Variants in NECTIN2 observed in about 807,000 individuals in gnomAD.
NECTIN2 encodes nectin cell adhesion molecule 2.
NECTIN2 carries 23 observed loss-of-function variants against 56.9 expected under a neutral mutation model. The observed-to-expected ratio is 0.40, with a 90% CI of 0.29 to 0.57. NECTIN2 has a LOEUF of 0.57. Ranked by LOEUF, NECTIN2 falls within the 20% of genes least tolerant of loss-of-function variation. NECTIN2 has a pLI of 0.38. For missense variants in NECTIN2, 587 were observed against 718.3 expected (o/e 0.82, Z 2.09); for synonymous variants, 302 against 313.8 (o/e 0.96, Z 0.40).
chr19:44,858,446 C>T (rs1968993433), intron 1 of NECTIN2, among the ~76,000 whole-genome samples: 1 of 151,954 alleles, frequency 6.6e-6, no homozygotes, highest in South Asian at 2.1e-4. Flanking sequence ...CCTCAGCCTC[C>T]CAAGTAGCTG....
At chr19:44,864,210 G>C (rs2122661216) in intron 1 of NECTIN2, among the ~76,000 whole-genome samples, 1 of 152,162 alleles carries the variant, frequency 6.6e-6, no homozygotes, top group South Asian at 2.1e-4. Flanking sequence ...AGCCAGGTGT[G>C]GTGGTACATG....
At chr19:44,852,837 G>A (rs1968916996) in intron 1 of NECTIN2, among the ~76,000 whole-genome samples, 1 of 152,190 alleles carries the variant, frequency 6.6e-6, no homozygotes, top group Non-Finnish European at 1.5e-5. Flanking sequence ...GGACGCGGTG[G>A]CTCACGCCTG....
rs765415555 is a variant in NECTIN2, at chr19:44,888,274, G to A, written c.1512G>A (p.Glu504=). 6.2e-7 allele frequency: 1 copy of A among 1,614,100 alleles called. No individual in the cohort carries two copies. The highest frequency in any genetic ancestry group is 1.1e-5 in the South Asian group (1 of 91,086). Residue 504 remains glutamate, a synonymous_variant, in exon 9 of 9, where the codon GAG becomes GAA. Coordinates refer to ENST00000252483, the MANE Select transcript of NECTIN2 (RefSeq NM_001042724.2). ...LEDEEGEEEE[E]YLDKINPIYD... Reference sequence around the variant, plus strand: ...ATGAGGAGGGGGAGGAGGAGGAAGAGTATCTGGACAAGATCAACCCCATCT... The same window carrying A: ...ATGAGGAGGGGGAGGAGGAGGAAGAATATCTGGACAAGATCAACCCCATCT...
At position 44,851,079 on chromosome 19, in the gene NECTIN2, C is replaced by T. The variant is rs558340580; in HGVS notation, c.88+4466C>T. 1.7e-4 allele frequency among the ~76,000 whole-genome samples: 26 copies of T among 151,982 alleles called. No individual in the cohort carries two copies. The South Asian group carries it at 1.9e-3, about 11-fold the overall frequency. ...GGCCCCAGCCTCTCCTCCCTCAGAC[C>T]CAGGAGTCCAGGCCCCAGCCCTCTT... On this transcript the variant is annotated intron_variant, in intron 1 of 8. Coordinates refer to ENST00000252483, the MANE Select transcript of NECTIN2 (RefSeq NM_001042724.2).
chr19:44,888,427 T>C lies in NECTIN2; in HGVS notation c.*48T>C, dbSNP rs745531503. The C allele has an allele frequency of 5.7e-6, 9 of 1,573,546 alleles. No homozygotes were observed. In the South Asian group the frequency reaches 1.0e-4, roughly 18 times the overall value. The stretch of plus-strand genomic sequence containing the variant: ...ACATCTCACCTGTTGATCCCTTAGC[T>C]TTCTTGCCAAGGATCTAGTGCCCCC... On this transcript the variant is annotated 3_prime_UTR_variant, in exon 9 of 9. Transcript: ENST00000252483.
chr19:44,884,625 A>G (rs946101090), intron 6 of NECTIN2, among the ~76,000 whole-genome samples: 9 of 152,218 alleles, frequency 5.9e-5, no homozygotes, highest in African/African-American at 2.2e-4. Context: ...GGAGCTCACA[A>G]TATGGAGGAG....
At chr19:44,863,860 T>C (rs1410175834) in intron 1 of NECTIN2, among the ~76,000 whole-genome samples, 1 of 143,246 alleles carries the variant, frequency 7.0e-6, no homozygotes, top group Non-Finnish European at 1.5e-5. Context: ...AAAAGAAACT[T>C]GAGAAAAAAT....
intron 3 of NECTIN2, 87 bp downstream of exon 3, chr19:44,872,236 G>A: frequency 2.0e-6 from 3 of 1,464,996 alleles, no homozygotes; most frequent in Non-Finnish European, 2.8e-6. Flanking sequence ...TCTGAATGTT[G>A]TCTACGTGGG....
chr19:44,867,020 A>T lies in NECTIN2; in HGVS notation c.478+1360A>T, dbSNP rs542013346. On this transcript the variant is annotated intron_variant, in intron 2 of 8. Coordinates refer to ENST00000252483, the MANE Select transcript of NECTIN2 (RefSeq NM_001042724.2). ...AGACTCTTGTCTCAATGACAAAAAA[A>T]ATTTTTTTTTTTTTTGAGACAGAGT... Among the ~76,000 whole-genome samples the T allele has an allele frequency of 5.0e-4, 76 of 151,446 alleles. No homozygotes were observed. In the East Asian group the frequency reaches 0.013, roughly 27 times the overall value.
At chr19:44,884,374 T>G (rs1469526832) in intron 6 of NECTIN2, among the ~76,000 whole-genome samples, 1 of 152,054 alleles carries the variant, frequency 6.6e-6, no homozygotes, top group Non-Finnish European at 1.5e-5. Flanking sequence ...AGGCTGGTCT[T>G]GAACTCCTGA....
At chr19:44,858,660 C>T (rs748466639) in intron 1 of NECTIN2, among the ~76,000 whole-genome samples, 2 of 151,058 alleles carry the variant, frequency 1.3e-5, no homozygotes, top group Non-Finnish European at 2.9e-5. Context: ...TTTCCCCTCC[C>T]GAGACCGAGT....
At chr19:44,851,023 A>G (rs1968892940) in intron 1 of NECTIN2, among the ~76,000 whole-genome samples, 4 of 151,760 alleles carry the variant, frequency 2.6e-5, no homozygotes, top group African/African-American at 9.7e-5. Context: ...GTCCAGCTTC[A>G]GGCCCCGCCT....
chr19:44,846,665 C>T lies in NECTIN2; in HGVS notation c.88+52C>T, dbSNP rs1302163867. The stretch of plus-strand genomic sequence containing the variant: ...CTCGCGCGGACCCCCTCCAACCTTA[C>T]CTTCCGAGCTGGGGAAGCCGAGCAC... On this transcript the variant is annotated intron_variant, in intron 1 of 8. Transcript: ENST00000252483. The T allele has an allele frequency of 4.7e-6, 7 of 1,498,850 alleles. No individual in the cohort carries two copies. In the Admixed American group the frequency reaches 1.0e-4, roughly 22 times the overall value. The allele number at this position is 1,498,850 out of a possible 1,614,324, so 92.8% of individuals were successfully genotyped here.
chr19:44,852,859 C>T (rs1332695508), intron 1 of NECTIN2, among the ~76,000 whole-genome samples: 2 of 152,178 alleles, frequency 1.3e-5, no homozygotes, highest in East Asian at 1.9e-4. Context: ...AATCCAAGCA[C>T]TTTGGGAGGC....
chr19:44,850,833 G>A (rs1227519725), intron 1 of NECTIN2, among the ~76,000 whole-genome samples: 1 of 152,162 alleles, frequency 6.6e-6, no homozygotes, highest in Non-Finnish European at 1.5e-5. Context: ...AGGTGACTGA[G>A]GCAGCAGCTG....
Position 44,865,266 on chromosome 19 carries a change from C to A in NECTIN2, c.89-5C>A, listed in dbSNP as rs961942064. The A allele has an allele frequency of 5.0e-6, 8 of 1,604,428 alleles. No individual in the cohort carries two copies. The African/African-American group carries it at 9.4e-5, about 19-fold the overall frequency. Reference sequence around the variant, plus strand: ...ACTACTTCACTCTCTGTCCTCTCTGCCCAGGAGCCCAGGATGTGCGAGTTC... The same window carrying A: ...ACTACTTCACTCTCTGTCCTCTCTGACCAGGAGCCCAGGATGTGCGAGTTC... On this transcript the variant is annotated splice_region_variant and splice_polypyrimidine_tract_variant and intron_variant, in intron 1 of 8. Coordinates refer to ENST00000252483, the MANE Select transcript of NECTIN2 (RefSeq NM_001042724.2). This position sits in a 1 kb window ranked among gnomAD's most constrained non-coding sequence, Gnocchi z 5.2.
intron 2 of NECTIN2, among the ~76,000 whole-genome samples, chr19:44,868,912 G>GAAA (rs147253426): frequency 2.8e-5 from 4 of 143,992 alleles, no homozygotes; most frequent in African/African-American, 1.0e-4. Flanking sequence ...ACTCTGTCTG[G>GAAA]AAAAAAAAAA....
At chr19:44,857,703 T>TGG (rs1342583885) in intron 1 of NECTIN2, among the ~76,000 whole-genome samples, 1 of 126,828 alleles carries the variant, frequency 7.9e-6, no homozygotes, top group Non-Finnish European at 1.7e-5. Context: ...TGCCGGGTTT[T>TGG]TGTTTTTGTT....
chr19:44,846,434 C>T lies in NECTIN2; in HGVS notation c.-92C>T. On this transcript the variant is annotated 5_prime_UTR_variant, in exon 1 of 9. Transcript: ENST00000252483. Reference sequence around the variant, plus strand: ...ACCGGCCCGGAGCCGGAGCCGGAGCCCCACAGGCACCTACTAAACCGCCCA... The same window carrying T: ...ACCGGCCCGGAGCCGGAGCCGGAGCTCCACAGGCACCTACTAAACCGCCCA... 1 of 1,364,284 alleles carries T rather than the reference C, an allele frequency of 7.3e-7. No individual in the cohort carries two copies. The allele number at this position is 1,364,284 out of a possible 1,614,324, so 84.5% of individuals were successfully genotyped here.
Sources: allele counts gnomAD v4.1 joint callset (sites outside exome capture counted in the v4.1 genomes callset), GRCh38; gene constraint gnomAD v4.1.1; non-coding constraint Gnocchi (gnomAD v3.1); transcripts MANE v1.5; gene names NCBI Gene and HGNC (gene_info 2026-07-23, HGNC 2026-07-21).